CNTNAP5: variants seen among roughly 807,000 people sequenced by gnomAD.
CNTNAP5 encodes the protein contactin associated protein family member 5.
In CNTNAP5, 72 loss-of-function variants were observed where a neutral mutation model predicts 150.2. The ratio of observed to expected loss-of-function variants is 0.48; its 90% confidence interval spans 0.40 to 0.58. CNTNAP5 has a LOEUF of 0.58. Among genes scored for constraint, CNTNAP5 ranks in the 20% least tolerant of loss-of-function variants. The pLI, the probability that CNTNAP5 is intolerant of heterozygous loss-of-function variation, is 0.00. For missense variants in CNTNAP5, 1,636 were observed against 1,626.2 expected, an observed-to-expected ratio of 1.01 and a Z score of -0.10; for synonymous variants, 672 against 619.8, an observed-to-expected ratio of 1.08 and a Z score of -1.25.
intron 19 of CNTNAP5, among the ~76,000 whole-genome samples, chr2:124,799,659 A>G (rs1161252341): frequency 2.6e-5 from 4 of 151,942 alleles, no homozygotes; most frequent in Non-Finnish European, 5.9e-5. Context: ...ATCTTGCTTT[A>G]TTTTTTCTTT....
intron 3 of CNTNAP5, among the ~76,000 whole-genome samples, chr2:124,274,329 T>C (rs1328972936): frequency 6.6e-6 from 1 of 152,212 alleles, no homozygotes; most frequent in East Asian, 1.9e-4. Context: ...TTTAATTTTC[T>C]AACACTTGTG....
chr2:124,304,289 T>C (rs1408905817), intron 3 of CNTNAP5, among the ~76,000 whole-genome samples: 1 of 152,172 alleles, frequency 6.6e-6, no homozygotes, highest in Non-Finnish European at 1.5e-5. Context: ...ATTGAGCCCT[T>C]GACCTAGGGC....
At position 124,106,497 on chromosome 2, in the gene CNTNAP5, T is replaced by A. The variant is rs577513405; in HGVS notation, c.82+80765T>A. Among the ~76,000 whole-genome samples the A allele has an allele frequency of 5.3e-5, 8 of 152,196 alleles. No individual in the cohort carries two copies. In the East Asian group the frequency reaches 1.5e-3, roughly 29 times the overall value. ...TCAAGGATGCCTATGAAATTAAACC[T>A]CCATTAAAGCCTGTAAAGGGGTTTG... On this transcript the variant is annotated intron_variant, in intron 1 of 23. Transcript: ENST00000682447.
intron 14 of CNTNAP5, among the ~76,000 whole-genome samples, chr2:124,748,024 T>C (rs997530752): frequency 1.3e-5 from 2 of 151,898 alleles, no homozygotes; most frequent in Admixed American, 6.6e-5. Context: ...AGGGTATTTA[T>C]GATATGTGGA....
At chr2:124,868,118 G>C (rs563899117) in intron 20 of CNTNAP5, among the ~76,000 whole-genome samples, 3 of 152,166 alleles carry the variant, frequency 2.0e-5, no homozygotes, top group East Asian at 1.9e-4. Context: ...GTTGCCTTTT[G>C]ATTGACATCT....
chr2:124,732,742 A>G (rs1680298007), intron 13 of CNTNAP5, among the ~76,000 whole-genome samples: 1 of 152,164 alleles, frequency 6.6e-6, no homozygotes, highest in South Asian at 2.1e-4. Context: ...ATTTTCAACT[A>G]AAGAGTACTT....
At chr2:124,535,591 G>A (rs1015305817) in intron 10 of CNTNAP5, among the ~76,000 whole-genome samples, 32 of 135,076 alleles carry the variant, frequency 2.4e-4, no homozygotes, top group Non-Finnish European at 3.3e-4. Flanking sequence ...GTGAAACCCC[G>A]TCTCTACTGA....
chr2:124,285,923 A>T (rs547920165), intron 3 of CNTNAP5, among the ~76,000 whole-genome samples: 17 of 152,330 alleles, frequency 1.1e-4, no homozygotes, highest in Non-Finnish European at 1.9e-4. Flanking sequence ...ACATTATTGG[A>T]TGATGTGAGT....
Position 124,852,412 on chromosome 2 carries a change from G to A in CNTNAP5, c.3218-12894G>A, listed in dbSNP as rs1683176583. Among the ~76,000 whole-genome samples the A allele has an allele frequency of 2.0e-5, 3 of 152,170 alleles. No homozygotes were observed. In the South Asian group the frequency reaches 6.2e-4, roughly 31 times the overall value. Reference sequence around the variant, plus strand: ...AAGCAGGAATAAAGTCTCCAAAGAAGGAGTGAGCTAGCACATTAGGGGAAC... The same window carrying A: ...AAGCAGGAATAAAGTCTCCAAAGAAAGAGTGAGCTAGCACATTAGGGGAAC... On this transcript the variant is annotated intron_variant, in intron 19 of 23. Coordinates refer to ENST00000682447, the MANE Select transcript of CNTNAP5 (RefSeq NM_001367498.1).
At position 124,456,359 on chromosome 2, in the gene CNTNAP5, C is replaced by G. The variant is rs549628335; in HGVS notation, c.918+9422C>G. On this transcript the variant is annotated intron_variant, in intron 6 of 23. Transcript: ENST00000682447. ...TAAAATACTTAGGAAGATACCTAAT[C>G]AAGAAGGTGAAAGACCTCTACAAGA... Among the ~76,000 whole-genome samples the G allele has an allele frequency of 3.3e-5, 5 of 152,186 alleles. No individual in the cohort carries two copies. The East Asian group carries it at 5.8e-4, about 18-fold the overall frequency.
intron 4 of CNTNAP5, among the ~76,000 whole-genome samples, chr2:124,431,753 A>C (rs1403736018): frequency 1.3e-5 from 2 of 150,530 alleles, no homozygotes; most frequent in Non-Finnish European, 3.0e-5. Context: ...TATTAATCCA[A>C]ATTCTCTCAC....
At chr2:124,309,728 A>G (rs1202728152) in intron 3 of CNTNAP5, among the ~76,000 whole-genome samples, 4 of 152,166 alleles carry the variant, frequency 2.6e-5, no homozygotes, top group Non-Finnish European at 4.4e-5. Context: ...TACGCATGTG[A>G]TGTCCCTTGC....
chr2:124,303,184 C>T (rs1688606274), intron 3 of CNTNAP5, among the ~76,000 whole-genome samples: 1 of 151,078 alleles, frequency 6.6e-6, no homozygotes, highest in Non-Finnish European at 1.5e-5. Flanking sequence ...TTTTCTAAGC[C>T]CTGCTGAATC....
At chr2:124,648,110 A>C (rs1033846780) in intron 13 of CNTNAP5, among the ~76,000 whole-genome samples, 152 bp downstream of exon 13, 2 of 152,204 alleles carry the variant, frequency 1.3e-5, no homozygotes, top group Non-Finnish European at 2.9e-5. Context: ...CTGGTTATGT[A>C]GTAATCCTGG....
intron 1 of CNTNAP5, among the ~76,000 whole-genome samples, chr2:124,111,122 C>T (rs1223920087): frequency 6.6e-6 from 1 of 152,026 alleles, no homozygotes; most frequent in African/African-American, 2.4e-5. Context: ...TGATCAGATG[C>T]CTGTTATTAT....
chr2:124,744,603 G>C (rs1335506709), intron 13 of CNTNAP5, among the ~76,000 whole-genome samples: 1 of 152,114 alleles, frequency 6.6e-6, no homozygotes, highest in Non-Finnish European at 1.5e-5. Context: ...GTCTGAAATA[G>C]TATGAATCCT....
At chr2:124,798,341 C>T in intron 19 of CNTNAP5, 21 bp downstream of exon 19, 1 of 1,553,740 alleles carries the variant, frequency 6.4e-7, no homozygotes, top group Non-Finnish European at 8.9e-7. Flanking sequence ...TGGCATGATA[C>T]CCAGCGGAGT....
chr2:124,194,281 C>G (rs1030542517), intron 1 of CNTNAP5, among the ~76,000 whole-genome samples: 11 of 150,832 alleles, frequency 7.3e-5, no homozygotes, highest in Non-Finnish European at 1.2e-4. Context: ...GAAAGGCCAG[C>G]TATGGAGGAC....
At chr2:124,137,540 T>A (rs1435528384) in intron 1 of CNTNAP5, among the ~76,000 whole-genome samples, 1 of 152,218 alleles carries the variant, frequency 6.6e-6, no homozygotes, top group South Asian at 2.1e-4. Context: ...TTAGAGATTT[T>A]TTTTCAGTCA....
Sources: gnomAD v4.1 joint callset for allele counts (sites outside exome capture counted in the v4.1 genomes callset) on GRCh38, gnomAD v4.1.1 for gene constraint, MANE v1.5 for transcripts, NCBI Gene and HGNC (gene_info 2026-07-23, HGNC 2026-07-21) for gene names.